The following NBPF20 variants were observed in gnomAD, a reference collection of about 807,000 sequenced individuals.
NBPF20 encodes the protein NBPF family member NBPF20.
Under a neutral mutation model 68.1 loss-of-function variants are expected in NBPF20, and 90 were observed. That is an observed-to-expected ratio of 1.32 (90% confidence interval 1.11 to 1.58). The LOEUF (loss-of-function observed/expected upper bound fraction) is 1.58. NBPF20 is among the 40% of genes most tolerant of loss of function. NBPF20 has a pLI of 0.00. For synonymous variants in NBPF20, 290 were observed against 228.1 expected, an observed-to-expected ratio of 1.27 and a Z score of -2.45; for missense variants, 816 against 601.2, an observed-to-expected ratio of 1.36 and a Z score of -3.74.
chr1:145,422,165 T>C, the NBPF20 span, among the ~76,000 whole-genome samples: 1 of 151,488 alleles, frequency 6.6e-6, no homozygotes, highest in Non-Finnish European at 1.5e-5. Flanking sequence ...AAAGTTTTCC[T>C]GGTAATTAAG....
upstream of NBPF20, among the ~76,000 whole-genome samples, chr1:145,407,471 AATAT>A (rs1178735966): frequency 2.7e-5 from 4 of 145,740 alleles, no homozygotes; most frequent in South Asian, 2.1e-4. Context: ...ACGTATATAT[AATAT>A]ATATACAAAC....
upstream of NBPF20, among the ~76,000 whole-genome samples, chr1:145,407,426 C>A (rs1264700361): frequency 2.8e-5 from 4 of 145,224 alleles, no homozygotes; most frequent in Non-Finnish European, 6.0e-5. Context: ...TACATGTATA[C>A]ACGTATACAT....
the NBPF20 span, among the ~76,000 whole-genome samples, chr1:145,424,449 C>T: frequency 2.0e-5 from 3 of 152,298 alleles, no homozygotes; most frequent in African/African-American, 7.2e-5. Flanking sequence ...AAGCTACTAA[C>T]ACATATCAGC....
At chr1:145,423,776 C>T in the NBPF20 span, among the ~76,000 whole-genome samples, 2 of 151,976 alleles carry the variant, frequency 1.3e-5, no homozygotes, top group African/African-American at 4.8e-5. Flanking sequence ...CAGGCATCAG[C>T]AAGGATGTGG....
intron 43 of NBPF20, 88 bp from the exon 49 acceptor site, chr1:145,366,440 G>A (rs1661692506): frequency 5.5e-4 from 13 of 23,484 alleles, no homozygotes; most frequent in Non-Finnish European, 2.6e-4. Context: ...GCATAGGGAA[G>A]TGGTTAAAAA....
In NBPF20 at chr1:145,393,844, G is replaced by A. The variant is rs1296555025; in HGVS notation, c.1043+40C>T. The A allele has an allele frequency of 3.6e-5, 52 of 1,442,462 alleles. 1 individual carries two copies. In the South Asian group the frequency reaches 4.2e-4, roughly 12 times the overall value. The allele number at this position is 1,442,462 out of a possible 1,614,324, so 89.4% of individuals were successfully genotyped here. On this transcript the variant is annotated intron_variant, in intron 9 of 137. Coordinates refer to ENST00000369373, the Ensembl canonical transcript of NBPF20. Reference sequence around the variant, plus strand: ...TTCCCTGGACTTGGCATCTCCAGGTGTCAACATCAAATTAACTCTCCACAA... The same window carrying A: ...TTCCCTGGACTTGGCATCTCCAGGTATCAACATCAAATTAACTCTCCACAA...
At chr1:145,402,679 C>G (rs1221624903) in intron 3 of NBPF20, among the ~76,000 whole-genome samples, 1 of 150,668 alleles carries the variant, frequency 6.6e-6, no homozygotes, top group Non-Finnish European at 1.5e-5. Context: ...CAGTTCCTCA[C>G]TCTGGCCATG....
At chr1:145,399,601 AC>A (rs1571369823) in intron 6 of NBPF20, among the ~76,000 whole-genome samples, 2 of 131,320 alleles carry the variant, frequency 1.5e-5, no homozygotes, top group Non-Finnish European at 3.2e-5. Flanking sequence ...ATATGGGGAA[AC>A]CCTGTCTCTA....
intron 137 of NBPF20, among the ~76,000 whole-genome samples, 183 bp from the exon 143 acceptor site, chr1:145,291,952 G>C (rs1406192433): frequency 6.6e-6 from 1 of 151,218 alleles, no homozygotes; most frequent in African/African-American, 2.5e-5. Flanking sequence ...AGAAAACAAT[G>C]AAAGAGAAAG....
intron 3 of NBPF20, 21 bp from the exon 9 acceptor site, chr1:145,402,402 A>C: frequency 1.2e-6 from 2 of 1,603,876 alleles, no homozygotes; most frequent in African/African-American, 1.3e-5. Flanking sequence ...ACGGTAGAGA[A>C]AATTTAAGAG....
At chr1:145,291,943 G>C (rs1222531372) in intron 137 of NBPF20, among the ~76,000 whole-genome samples, 174 bp from the exon 143 acceptor site, 1 of 151,392 alleles carries the variant, frequency 6.6e-6, no homozygotes, top group African/African-American at 2.4e-5. Context: ...GGGCCAGGTA[G>C]AAAACAATGA....
the NBPF20 span, among the ~76,000 whole-genome samples, chr1:145,421,521 A>C: frequency 2.0e-4 from 30 of 151,896 alleles, no homozygotes; most frequent in Non-Finnish European, 2.8e-4. Context: ...TCATTCATTC[A>C]TTTAACAAAT....
exon 138 of NBPF20, chr1:145,290,351 C>A (rs1365825679): frequency 2.7e-4 from 40 of 149,446 alleles, no homozygotes; most frequent in Non-Finnish European, 5.0e-4. Context: ...GTCCTGATAT[C>A]ATAATGGTGA....
chr1:145,395,630 A>C (rs1455259799), intron 7 of NBPF20, among the ~76,000 whole-genome samples: 1 of 150,086 alleles, frequency 6.7e-6, no homozygotes, highest in Non-Finnish European at 1.5e-5. Flanking sequence ...ACCAACAAAT[A>C]GGAAAAAAGC....
chr1:145,416,344 C>T, the NBPF20 span, among the ~76,000 whole-genome samples: 1 of 127,328 alleles, frequency 7.9e-6, no homozygotes, highest in Non-Finnish European at 1.7e-5. Flanking sequence ...TCCCCAAAAA[C>T]CATCCCTAGA....
rs1662713662 is a variant in NBPF20, at chr1:145,405,134, GT to G, written c.138del (p.Gln46HisfsTer22). On this transcript the variant is annotated frameshift_variant, in exon 2 of 138. Coordinates refer to ENST00000369373, the Ensembl canonical transcript of NBPF20. LOFTEE classifies it high-confidence loss of function. ...TGCTGGTTGGCCAGGAAGCCGGCCA[GT>G]TGAGTTACAAAACATCTCTCTTTGA... 6.2e-7 allele frequency: 1 copy of G among 1,613,640 alleles called. No homozygotes were observed. Among genetic ancestry groups the G allele is most frequent in the South Asian group, 1.1e-5 (1 of 91,070 alleles).
exon 138 of NBPF20, chr1:145,291,724 C>T (rs782795090): frequency 1.9e-6 from 3 of 1,611,896 alleles, no homozygotes; most frequent in African/African-American, 1.3e-5. Flanking sequence ...CCAGTGAGTC[C>T]TGTAAGACTT....
intron 73 of NBPF20, among the ~76,000 whole-genome samples, chr1:145,342,797 A>G (rs1661629827): frequency 8.7e-6 from 1 of 114,302 alleles, no homozygotes; most frequent in Non-Finnish European, 1.8e-5. Context: ...ACACACACAG[A>G]CACACACACA....
the NBPF20 span, among the ~76,000 whole-genome samples, chr1:145,411,030 A>G: frequency 3.4e-5 from 5 of 146,944 alleles, no homozygotes; most frequent in Admixed American, 6.8e-5. Flanking sequence ...TTTCAACAAA[A>G]CACATAATCT....
Sources: gnomAD v4.1 joint callset for allele counts (sites outside exome capture counted in the v4.1 genomes callset) on GRCh38, gnomAD v4.1.1 for gene constraint, MANE v1.5 for transcripts, NCBI Gene and HGNC (gene_info 2026-07-23, HGNC 2026-07-21) for gene names.